Variants in ATG4C observed in about 807,000 individuals in gnomAD.
ATG4C encodes the protein cysteine protease ATG4C.
A neutral mutation model predicts 57.6 loss-of-function variants in ATG4C; 56 were observed. That is an observed-to-expected ratio of 0.97 (90% CI 0.78 to 1.21). The LOEUF (loss-of-function observed/expected upper bound fraction) is 1.21, where lower values mean the gene tolerates loss of function less well. ATG4C is among the 50% of genes most tolerant of loss of function. ATG4C has a pLI of 0.00. For missense variants in ATG4C, 595 were observed against 529.8 expected, an observed-to-expected ratio of 1.12 and a Z score of -1.21; for synonymous variants, 157 against 174.1, an observed-to-expected ratio of 0.90 and a Z score of 0.78.
intron 10 of ATG4C, among the ~76,000 whole-genome samples, chr1:62,855,802 G>A (rs903498901): frequency 6.6e-6 from 1 of 152,194 alleles, no homozygotes; most frequent in Non-Finnish European, 1.5e-5. Flanking sequence ...CGGTGGTACT[G>A]CGATTCACCT....
At chr1:62,832,521 T>C (rs757385264) in intron 7 of ATG4C, among the ~76,000 whole-genome samples, 4 of 152,148 alleles carry the variant, frequency 2.6e-5, no homozygotes, top group African/African-American at 9.7e-5. Context: ...AGAGAAACCA[T>C]TCCTGCAAGT....
chr1:62,791,348 G>A lies in ATG4C; in HGVS notation c.-69+7075G>A, dbSNP rs150344534. 7.0e-4 allele frequency among the ~76,000 whole-genome samples: 106 copies of A among 152,294 alleles called. 1 individual carries two copies. The highest frequency in any genetic ancestry group is 2.4e-3 in the African/African-American group (98 of 41,564). ...TAGTACTAGCTTCAGTAATATGGAT[G>A]CACCTTTTTCTTGGCAAGAGTAACT... is the stretch of plus-strand genomic sequence containing the variant. On this transcript the variant is annotated intron_variant, in intron 1 of 10. Transcript: ENST00000317868.
At position 62,818,939 on chromosome 1, in the gene ATG4C, A is replaced by G. The variant is rs1415307627; in HGVS notation, c.395-66A>G. Reference sequence around the variant, plus strand: ...AAATGACCTTAAATGCTACGTATTTATTTTAGTAGAATTGTTAAAGTATCT... The same window carrying G: ...AAATGACCTTAAATGCTACGTATTTGTTTTAGTAGAATTGTTAAAGTATCT... On this transcript the variant is annotated intron_variant, in intron 4 of 10. Coordinates refer to ENST00000317868, the MANE Select transcript of ATG4C (RefSeq NM_032852.4). The G allele has an allele frequency of 3.1e-6, 4 of 1,275,630 alleles. No individual in the cohort carries two copies. In the African/African-American group the frequency reaches 6.0e-5, roughly 19 times the overall value. The allele number at this position is 1,275,630 out of a possible 1,614,324, so 79.0% of individuals were successfully genotyped here.
At chr1:62,860,794 A>G (rs755125386) in intron 10 of ATG4C, among the ~76,000 whole-genome samples, 16 of 152,208 alleles carry the variant, frequency 1.1e-4, no homozygotes, top group Admixed American at 2.6e-4. Context: ...TGCTACATAG[A>G]TATACACTGC....
intron 10 of ATG4C, among the ~76,000 whole-genome samples, chr1:62,855,487 A>C (rs1296168967): frequency 6.6e-6 from 1 of 152,232 alleles, no homozygotes; most frequent in African/African-American, 2.4e-5. Flanking sequence ...AGGAAATCAC[A>C]AATGAAAATG....
At chr1:62,859,520 G>A (rs141420670) in intron 10 of ATG4C, among the ~76,000 whole-genome samples, 21 of 151,852 alleles carry the variant, frequency 1.4e-4, no homozygotes, top group Non-Finnish European at 2.5e-4. Context: ...ACCATGAATG[G>A]CACCTGCAGG....
chr1:62,819,362 T>C (rs3737891), intron 5 of ATG4C, 27 bp downstream of exon 5: 233,861 of 1,536,650 alleles, frequency 0.15, 18,943 homozygotes, highest in Admixed American at 0.21. Context: ...ATCTTTCTTC[T>C]TGTGACAGAG....
intron 6 of ATG4C, 51 bp downstream of exon 6, chr1:62,821,260 A>G: frequency 3.9e-6 from 5 of 1,271,392 alleles, no homozygotes; most frequent in Admixed American, 2.3e-5. Context: ...CATACTTTTT[A>G]TATGTGTTTA....
chr1:62,804,487 A>G (rs887370791), intron 2 of ATG4C, among the ~76,000 whole-genome samples: 2 of 151,836 alleles, frequency 1.3e-5, no homozygotes, highest in African/African-American at 4.8e-5. Flanking sequence ...GAATTTATTC[A>G]GGTGATGATA....
At chr1:62,810,450 G>A (rs1242267633) in intron 3 of ATG4C, among the ~76,000 whole-genome samples, 1 of 152,056 alleles carries the variant, frequency 6.6e-6, no homozygotes, top group African/African-American at 2.4e-5. Context: ...ATATTTTAAT[G>A]CTAACATTTT....
chr1:62,832,493 G>A (rs1665873988), intron 7 of ATG4C, among the ~76,000 whole-genome samples: 1 of 152,160 alleles, frequency 6.6e-6, no homozygotes, highest in African/African-American at 2.4e-5. Context: ...CTGTCCTCAC[G>A]TGGCAGAGGA....
chr1:62,814,705 C>T (rs1294262360), intron 3 of ATG4C, among the ~76,000 whole-genome samples: 1 of 152,020 alleles, frequency 6.6e-6, no homozygotes, highest in Admixed American at 6.6e-5. Context: ...GAATATGTTT[C>T]TTATAGGAAG....
At chr1:62,834,731 A>G in intron 8 of ATG4C, 45 bp from the exon 9 acceptor site, 1 of 1,482,816 alleles carries the variant, frequency 6.7e-7, no homozygotes. Flanking sequence ...CAGTGTAATA[A>G]TAAGGTGTTT....
chr1:62,814,855 G>A (rs1038699158), intron 3 of ATG4C, among the ~76,000 whole-genome samples: 2 of 152,070 alleles, frequency 1.3e-5, no homozygotes, highest in African/African-American at 2.4e-5. Flanking sequence ...ACTTGAGGCC[G>A]GGTGTTTGAG....
chr1:62,821,121 T>A lies in ATG4C; in HGVS notation c.726-18T>A. The A allele has an allele frequency of 6.4e-7, 1 of 1,571,140 alleles. No individual in the cohort carries two copies. Among genetic ancestry groups the A allele is most frequent in the Non-Finnish European group, 8.6e-7 (1 of 1,159,246 alleles). On this transcript the variant is annotated intron_variant, in intron 5 of 10. Transcript: ENST00000317868. ...GAAATGTTAGGATTTTGAAAGATAA[T>A]GCTTGTTATTTTCTCAGAAAAGCAG...
intron 2 of ATG4C, 134 bp downstream of exon 2, chr1:62,803,996 G>A (rs1227426649): frequency 7.4e-6 from 4 of 539,734 alleles, no homozygotes; most frequent in Middle Eastern, 5.1e-4. Context: ...ATTTCTATAA[G>A]GAATGTAGTT....
chr1:62,834,917 G>A, intron 9 of ATG4C, 65 bp downstream of exon 9: 1 of 1,329,548 alleles, frequency 7.5e-7, no homozygotes, highest in Non-Finnish European at 1.1e-6. Flanking sequence ...ATTTAGAGAT[G>A]TGCTAGGTAG....
intron 10 of ATG4C, among the ~76,000 whole-genome samples, chr1:62,863,353 A>G (rs1666911113): frequency 6.6e-6 from 1 of 152,022 alleles, no homozygotes; most frequent in African/African-American, 2.4e-5. Context: ...AAAAGACCAA[A>G]GTTATTTTTT....
At chr1:62,854,125 T>C (rs1666603163) in intron 10 of ATG4C, among the ~76,000 whole-genome samples, 1 of 151,712 alleles carries the variant, frequency 6.6e-6, no homozygotes, top group Non-Finnish European at 1.5e-5. Context: ...TTGGATGTAT[T>C]TTCTCTTTTC....
Sources: gnomAD v4.1 joint callset for allele counts (sites outside exome capture counted in the v4.1 genomes callset) on GRCh38, gnomAD v4.1.1 for gene constraint, MANE v1.5 for transcripts, NCBI Gene and HGNC (gene_info 2026-07-23, HGNC 2026-07-21) for gene names.